The following ABLIM3 variants were observed in gnomAD, a reference collection of about 807,000 sequenced individuals.
ABLIM3 encodes the protein actin binding LIM protein family member 3, also known as actin-binding LIM protein 3.
A neutral mutation model predicts 109.5 loss-of-function variants in ABLIM3; 61 were observed. The observed-to-expected ratio is 0.56, with a 90% CI of 0.45 to 0.69. ABLIM3 has a LOEUF of 0.69. Among genes scored for constraint, ABLIM3 ranks in the 30% least tolerant of loss-of-function variants. ABLIM3 has a pLI of 0.00. For synonymous variants in ABLIM3, 300 were observed against 324.8 expected (o/e 0.92, Z 0.82); for missense variants, 796 against 889.5 (o/e 0.89, Z 1.34).
chr5:149,147,491 T>A (rs1050919103), intron 2 of ABLIM3, among the ~76,000 whole-genome samples: 17 of 152,240 alleles, frequency 1.1e-4, no homozygotes, highest in African/African-American at 3.9e-4. Context: ...TTTTTGCATC[T>A]ATGTTCATCA....
intron 2 of ABLIM3, among the ~76,000 whole-genome samples, chr5:149,170,106 T>C (rs1056506083): frequency 1.3e-5 from 2 of 152,154 alleles, no homozygotes; most frequent in African/African-American, 4.8e-5. Flanking sequence ...CCACTAGTTA[T>C]TTTTCCTGAT....
chr5:149,184,377 C>A (rs776533543), intron 3 of ABLIM3, among the ~76,000 whole-genome samples: 4 of 152,120 alleles, frequency 2.6e-5, no homozygotes, highest in Non-Finnish European at 5.9e-5. Flanking sequence ...AAATTTGTAA[C>A]TTTTTTGTTG....
chr5:149,250,373 G>A (rs1310322635), intron 19 of ABLIM3, 74 bp from the exon 20 acceptor site: 15 of 1,498,768 alleles, frequency 1.0e-5, no homozygotes, highest in Non-Finnish European at 1.4e-5. Context: ...TTGGCCATTG[G>A]TAGCCAGATG....
At chr5:149,146,649 T>A (rs1431141309) in intron 2 of ABLIM3, among the ~76,000 whole-genome samples, 3 of 152,208 alleles carry the variant, frequency 2.0e-5, no homozygotes, top group African/African-American at 7.2e-5. Context: ...ATTTCTGGGT[T>A]CTCTATTCTG....
At chr5:149,249,933 A>G in intron 19 of ABLIM3, 89 bp downstream of exon 19, 1 of 1,487,008 alleles carries the variant, frequency 6.7e-7, no homozygotes. Flanking sequence ...TCTAATGACC[A>G]TACAATGTGG....
chr5:149,233,898 C>G (rs766427088), intron 10 of ABLIM3, among the ~76,000 whole-genome samples: 1 of 152,166 alleles, frequency 6.6e-6, no homozygotes, highest in African/African-American at 2.4e-5. Flanking sequence ...CATCATTTGC[C>G]AGGGATGTAG....
At chr5:149,208,822 T>C (rs1456036477) in intron 6 of ABLIM3, among the ~76,000 whole-genome samples, 4 of 151,864 alleles carry the variant, frequency 2.6e-5, no homozygotes, top group Non-Finnish European at 5.9e-5. Flanking sequence ...AGATAACAAA[T>C]AAAGGGCTGT....
chr5:149,154,101 A>G (rs1753671383), intron 2 of ABLIM3, among the ~76,000 whole-genome samples: 1 of 152,160 alleles, frequency 6.6e-6, no homozygotes, highest in Non-Finnish European at 1.5e-5. Context: ...GACACAGCTG[A>G]TCTATTTTAA....
chr5:149,211,423 T>C (rs1400412235), intron 7 of ABLIM3, among the ~76,000 whole-genome samples: 1 of 152,168 alleles, frequency 6.6e-6, no homozygotes, highest in African/African-American at 2.4e-5. Flanking sequence ...GCCTGGAAGC[T>C]ATCTTCCTAT....
intron 5 of ABLIM3, among the ~76,000 whole-genome samples, chr5:149,202,434 G>A (rs1383606204): frequency 6.6e-6 from 1 of 152,174 alleles, no homozygotes; most frequent in Non-Finnish European, 1.5e-5. Flanking sequence ...GTCTATAGTG[G>A]TATGTTTTAT....
chr5:149,249,382 G>A (rs1470316788), intron 18 of ABLIM3, among the ~76,000 whole-genome samples: 5 of 152,222 alleles, frequency 3.3e-5, no homozygotes, highest in Non-Finnish European at 7.3e-5. Context: ...TTTTGCAGAT[G>A]AGAAAACCAA....
chr5:149,186,383 C>T (rs1288621228), intron 3 of ABLIM3, among the ~76,000 whole-genome samples: 1 of 151,882 alleles, frequency 6.6e-6, no homozygotes, highest in Non-Finnish European at 1.5e-5. Context: ...CACTGCACTC[C>T]AGCCTGGTGA....
chr5:149,194,771 A>G (rs1020678113), intron 3 of ABLIM3, among the ~76,000 whole-genome samples: 2 of 152,216 alleles, frequency 1.3e-5, no homozygotes, highest in Admixed American at 6.5e-5. Flanking sequence ...TGGTAAGACT[A>G]TAAAGTAAAG....
intron 3 of ABLIM3, among the ~76,000 whole-genome samples, chr5:149,185,258 C>T (rs990182013): frequency 1.3e-5 from 2 of 152,090 alleles, no homozygotes; most frequent in Admixed American, 6.5e-5. Flanking sequence ...ATGCAGTTGG[C>T]GGGTGGGTCT....
intron 3 of ABLIM3, among the ~76,000 whole-genome samples, chr5:149,195,210 G>C (rs1038888125): frequency 2.6e-5 from 4 of 152,184 alleles, no homozygotes; most frequent in African/African-American, 9.7e-5. Flanking sequence ...CCCAGCACTT[G>C]AGTGCTAGAA....
At chr5:149,212,578 T>C (rs558523311) in intron 7 of ABLIM3, among the ~76,000 whole-genome samples, 1 of 152,244 alleles carries the variant, frequency 6.6e-6, no homozygotes, top group East Asian at 1.9e-4. Flanking sequence ...AAGCCACCCT[T>C]GTGCCCAGCC....
At chr5:149,257,252 G>T (rs1404253967) in intron 23 of ABLIM3, among the ~76,000 whole-genome samples, 2 of 151,394 alleles carry the variant, frequency 1.3e-5, no homozygotes, top group South Asian at 2.1e-4. Flanking sequence ...TTTGCAGTGA[G>T]TTGAGATCAT....
intron 3 of ABLIM3, among the ~76,000 whole-genome samples, chr5:149,195,831 T>C (rs940759594): frequency 9.9e-5 from 15 of 152,152 alleles, no homozygotes; most frequent in Non-Finnish European, 1.5e-5. Flanking sequence ...CCCAGACTTC[T>C]GCCACCACCA....
intron 2 of ABLIM3, among the ~76,000 whole-genome samples, chr5:149,147,094 G>A (rs775093914): frequency 6.2e-5 from 9 of 145,656 alleles, no homozygotes; most frequent in East Asian, 4.8e-4. Context: ...TCTCTCGCTC[G>A]CTTGCTCGCT....
Sources: gnomAD v4.1 joint callset for allele counts (sites outside exome capture counted in the v4.1 genomes callset) on GRCh38, gnomAD v4.1.1 for gene constraint, MANE v1.5 for transcripts, NCBI Gene and HGNC (gene_info 2026-07-23, HGNC 2026-07-21) for gene names.